The following SEMA3A variants were observed in gnomAD, a reference collection of about 807,000 sequenced individuals.
The protein encoded by SEMA3A is semaphorin-3A.
SEMA3A carries 29 observed loss-of-function variants against 97.9 expected under a neutral mutation model. The observed-to-expected ratio is 0.30, with a 90% confidence interval of 0.22 to 0.40. The LOEUF is 0.40. Among genes scored for constraint, SEMA3A ranks in the 10% least tolerant of loss-of-function variants. The pLI is 1.00. For synonymous variants in SEMA3A, 321 were observed against 323.7 expected (o/e 0.99, Z 0.09); for missense variants, 763 against 951.3 (o/e 0.80, Z 2.60).
At chr7:84,097,985 G>GT (rs1562780112) in intron 4 of SEMA3A, among the ~76,000 whole-genome samples, 1 of 151,998 alleles carries the variant, frequency 6.6e-6, no homozygotes, top group African/African-American at 2.4e-5. Flanking sequence ...GAAAAAAAAT[G>GT]TAATATTTCA....
chr7:84,362,762 G>C (rs1225088467), intron 2 of SEMA3A, among the ~76,000 whole-genome samples: 1 of 151,934 alleles, frequency 6.6e-6, no homozygotes, highest in African/African-American at 2.4e-5. Context: ...AAGGATGTAT[G>C]TAAGAGTATG....
intron 4 of SEMA3A, among the ~76,000 whole-genome samples, chr7:84,070,321 A>G (rs1289777131): frequency 4.6e-5 from 7 of 152,254 alleles, no homozygotes; most frequent in Admixed American, 4.6e-4. Context: ...GAATGTTATT[A>G]GACTGTGGTG....
At chr7:84,009,917 A>AAAAAAAAAAAAAAC (rs1790812134) in intron 9 of SEMA3A, among the ~76,000 whole-genome samples, 1 of 149,332 alleles carries the variant, frequency 6.7e-6, no homozygotes, top group African/African-American at 2.5e-5. Context: ...AAAAAAAAAA[A>AAAAAAAAAAAAAAC]AAAAAAAAAA....
At chr7:83,998,859 TA>T (rs1790324086) in intron 12 of SEMA3A, among the ~76,000 whole-genome samples, 2 of 152,114 alleles carry the variant, frequency 1.3e-5, no homozygotes, top group African/African-American at 4.8e-5. Flanking sequence ...CTACACAGGG[TA>T]AGGATCATCA....
At chr7:84,071,244 T>A (rs79881843) in intron 4 of SEMA3A, among the ~76,000 whole-genome samples, 1 of 151,942 alleles carries the variant, frequency 6.6e-6, no homozygotes, top group Admixed American at 6.6e-5. Flanking sequence ...TAAAGGCAAA[T>A]ATAGAATATT....
intron 5 of SEMA3A, among the ~76,000 whole-genome samples, chr7:84,048,075 T>C (rs1410624875): frequency 6.6e-6 from 1 of 152,044 alleles, no homozygotes; most frequent in African/African-American, 2.4e-5. Context: ...TGATCTTTCA[T>C]TTTGGATTGT....
intron 14 of SEMA3A, among the ~76,000 whole-genome samples, chr7:83,977,535 C>T (rs979121380): frequency 6.6e-6 from 1 of 151,826 alleles, no homozygotes; most frequent in African/African-American, 2.4e-5. Context: ...CAAGGCCTAA[C>T]TTCTGTGGAA....
intron 1 of SEMA3A, among the ~76,000 whole-genome samples, chr7:84,429,517 T>TTTATAC (rs35529456): frequency 4.7e-5 from 1 of 21,118 alleles, no homozygotes. Context: ...TAGAGTTTGT[T>TTTATAC]ATATATATAT....
At chr7:84,406,063 G>A (rs1305238162) in intron 1 of SEMA3A, among the ~76,000 whole-genome samples, 5 of 152,058 alleles carry the variant, frequency 3.3e-5, no homozygotes, top group Non-Finnish European at 7.4e-5. Context: ...CAAAACTGAA[G>A]GAAATAGAGA....
chr7:84,349,011 A>G (rs139270131), intron 2 of SEMA3A, among the ~76,000 whole-genome samples: 262 of 152,268 alleles, frequency 1.7e-3, no homozygotes, highest in African/African-American at 6.0e-3. Flanking sequence ...TTTTTATTTC[A>G]GTAGTGGTTA....
At position 84,491,642 on chromosome 7, in the gene SEMA3A, C is replaced by A. The variant is rs554031301; in HGVS notation, c.-246+818G>T. On this transcript the variant is annotated intron_variant, in intron 1 of 3. Coordinates refer to the SEMA3A transcript ENST00000424555. ...AGAGTAGTAAAAAGATTCCCCATAG[C>A]CAAGTAAAAATCAGAGTAGGGGGCT... is the stretch of plus-strand genomic sequence containing the variant. 2.0e-5 allele frequency among the ~76,000 whole-genome samples: 3 copies of A among 152,138 alleles called. No homozygotes were observed. In the South Asian group the frequency reaches 6.2e-4, roughly 32 times the overall value.
intron 1 of SEMA3A, among the ~76,000 whole-genome samples, chr7:84,467,786 A>G (rs1252559951): frequency 6.6e-6 from 1 of 152,092 alleles, no homozygotes; most frequent in Admixed American, 6.6e-5. Context: ...ATTTCCTTTG[A>G]TAGAAAATAC....
intron 14 of SEMA3A, among the ~76,000 whole-genome samples, chr7:83,979,524 G>T (rs1014490482): frequency 3.9e-5 from 6 of 152,070 alleles, no homozygotes; most frequent in Non-Finnish European, 1.5e-5. Context: ...TAATGTTACT[G>T]CTGTAAAGAC....
chr7:84,431,716 A>G (rs1804986245), intron 1 of SEMA3A, among the ~76,000 whole-genome samples: 1 of 152,054 alleles, frequency 6.6e-6, no homozygotes, highest in African/African-American at 2.4e-5. Flanking sequence ...CAGCTTCAAT[A>G]ATTAGTAACA....
At chr7:84,088,214 G>C (rs1050894821) in intron 4 of SEMA3A, among the ~76,000 whole-genome samples, 1 of 152,090 alleles carries the variant, frequency 6.6e-6, no homozygotes, top group African/African-American at 2.4e-5. Flanking sequence ...CCAGCACTTT[G>C]GGAGGCCGAG....
chr7:84,091,361 G>A lies in SEMA3A; in HGVS notation c.453+19109C>T, dbSNP rs201628609. 1.1e-3 allele frequency among the ~76,000 whole-genome samples: 99 copies of A among 93,276 alleles called. 1 individual carries two copies. Among genetic ancestry groups the A allele is most frequent in the Admixed American group, 2.2e-3 (17 of 7,720 alleles). The allele number at this position is 93,276 out of a possible 152,430, so 61.2% of individuals were successfully genotyped here. On this transcript the variant is annotated intron_variant, in intron 4 of 16. Coordinates refer to ENST00000265362, the MANE Select transcript of SEMA3A (RefSeq NM_006080.3). ...AAGAGGAGGGAAGGAAGGAAGAAAG[G>A]AAGAAAGGAAGGAAGGAAGGAAATT... is the stretch of plus-strand genomic sequence containing the variant.
chr7:84,108,936 T>C (rs1360239370), intron 4 of SEMA3A, among the ~76,000 whole-genome samples: 3 of 149,256 alleles, frequency 2.0e-5, no homozygotes, highest in Non-Finnish European at 4.4e-5. Flanking sequence ...AAGGTCAGCA[T>C]TTCTGATTCC....
chr7:84,277,706 C>T lies in SEMA3A; in HGVS notation c.-83+29501G>A, dbSNP rs1210773211. On this transcript the variant is annotated intron_variant, in intron 3 of 3. Transcript: ENST00000424555. ...CGCAGACATCTGCTTCAGGGGGGGC[C>T]TCAGGAAACTTACAATTATGTAAGC... 2.6e-5 allele frequency among the ~76,000 whole-genome samples: 4 copies of T among 152,098 alleles called. No homozygotes were observed. In the South Asian group the frequency reaches 6.2e-4, roughly 24 times the overall value.
intron 1 of SEMA3A, among the ~76,000 whole-genome samples, chr7:84,469,465 C>T (rs931049272): frequency 1.3e-5 from 2 of 152,118 alleles, no homozygotes; most frequent in Non-Finnish European, 2.9e-5. Context: ...CCAGCAGCTG[C>T]TTTCACTTGG....
Sources: allele counts gnomAD v4.1 joint callset (sites outside exome capture counted in the v4.1 genomes callset), GRCh38; gene constraint gnomAD v4.1.1; transcripts MANE v1.5; gene names NCBI Gene and HGNC (gene_info 2026-07-23, HGNC 2026-07-21).